The following UBA6 variants were observed in gnomAD, a reference collection of about 807,000 sequenced individuals.
UBA6 encodes ubiquitin-like modifier-activating enzyme 6.
Under a neutral mutation model 148.3 loss-of-function variants are expected in UBA6, and 87 were observed. The observed-to-expected ratio is 0.59, with a 90% CI of 0.49 to 0.70. The LOEUF is 0.70. Among genes scored for constraint, UBA6 ranks in the 30% least tolerant of loss-of-function variants. UBA6 has a pLI of 0.00. For missense variants in UBA6, 1,186 were observed against 1,241.2 expected, an observed-to-expected ratio of 0.96 and a Z score of 0.67; for synonymous variants, 376 against 401.0, an observed-to-expected ratio of 0.94 and a Z score of 0.75.
chr4:67,698,330 G>A (rs952290284), intron 1 of UBA6, among the ~76,000 whole-genome samples: 1 of 152,078 alleles, frequency 6.6e-6, no homozygotes, highest in Non-Finnish European at 1.5e-5. Flanking sequence ...AAAATGTATG[G>A]TCTGTTAAAA....
At chr4:67,668,219 T>A (rs17088555) in intron 9 of UBA6, among the ~76,000 whole-genome samples, 3,053 of 152,302 alleles carry the variant, frequency 0.02, 70 homozygotes, top group East Asian at 0.1. Flanking sequence ...CTGTCTTGCA[T>A]CTGCGCCTTT....
intron 27 of UBA6, 40 bp from the exon 28 acceptor site, chr4:67,626,517 TC>T (rs771176962): frequency 1.6e-6 from 2 of 1,262,592 alleles, no homozygotes; most frequent in South Asian, 1.3e-5. Context: ...TGTTATCATT[TC>T]CTGCATCTGT....
At chr4:67,690,160 T>C (rs1474009574) in intron 2 of UBA6, among the ~76,000 whole-genome samples, 3 of 152,064 alleles carry the variant, frequency 2.0e-5, no homozygotes, top group African/African-American at 7.2e-5. Flanking sequence ...ACCTATCTTA[T>C]CTTTGATAAA....
intron 2 of UBA6, among the ~76,000 whole-genome samples, chr4:67,682,601 A>G (rs1730469489): frequency 1.3e-5 from 2 of 152,100 alleles, no homozygotes; most frequent in African/African-American, 4.8e-5. Context: ...TATCAACAGG[A>G]TTTCTGAGGC....
chr4:67,671,940 C>T (rs945322058), intron 7 of UBA6, among the ~76,000 whole-genome samples: 1 of 152,090 alleles, frequency 6.6e-6, no homozygotes, highest in East Asian at 1.9e-4. Context: ...CTTTCCTTTA[C>T]AACTCACACT....
At chr4:67,645,348 C>T (rs987616911) in intron 16 of UBA6, among the ~76,000 whole-genome samples, 1 of 152,080 alleles carries the variant, frequency 6.6e-6, no homozygotes, top group Non-Finnish European at 1.5e-5. Flanking sequence ...CACCTGTAAT[C>T]CCAGCACTTT....
rs1253632960 is a variant in UBA6 at position 67,662,224 on chromosome 4, G to A, written c.1069C>T (p.Leu357=). The change falls in exon 13 of 33, where the codon CTA becomes TTA. Residue 357 remains leucine (L), a synonymous_variant. Coordinates refer to ENST00000322244, the MANE Select transcript of UBA6 (RefSeq NM_018227.6). The stretch of plus-strand genomic sequence containing the variant: ...AAGGTTTCACTTATAGATGTTGCTA[G>A]TTTCAACAGTTCTTCTGAATCTTGT... The part of the protein sequence containing the change: ...CQQDSEELLK[L]ATSISETLEE... 5 of 1,613,516 alleles carry A rather than the reference G, an allele frequency of 3.1e-6. No homozygotes were observed. The highest frequency in any genetic ancestry group is 3.3e-4 in the Middle Eastern group (2 of 6,054).
rs902572021 is a variant in UBA6, at chr4:67,617,002, A to G, written c.*1995T>C. The G allele has an allele frequency of 3.9e-5, 6 of 152,120 alleles. No individual in the cohort carries two copies. Among genetic ancestry groups the G allele is most frequent in the African/African-American group, 1.2e-4 (5 of 41,454 alleles). The allele number at this position is 152,120 out of a possible 1,614,324, so 9.4% of individuals were successfully genotyped here. ...GAACCAAACAGAAGAAATCATGGCA[A>G]TAACCATTAACTATAGAAAAAAAGT... On this transcript the variant is annotated 3_prime_UTR_variant, in exon 33 of 33. Coordinates refer to ENST00000322244, the MANE Select transcript of UBA6 (RefSeq NM_018227.6).
chr4:67,667,467 A>G (rs1317879652), intron 9 of UBA6, among the ~76,000 whole-genome samples: 1 of 152,198 alleles, frequency 6.6e-6, no homozygotes, highest in African/African-American at 2.4e-5. Context: ...AGTTATCTAT[A>G]AACAGTTTGT....
chr4:67,680,134 A>T (rs1180941042), intron 4 of UBA6, among the ~76,000 whole-genome samples: 1 of 152,198 alleles, frequency 6.6e-6, no homozygotes, highest in African/African-American at 2.4e-5. Context: ...CATTTTGTAA[A>T]TGTACAATCC....
At chr4:67,662,484 T>TG in intron 12 of UBA6, 1 of 406,712 alleles carries the variant, frequency 2.5e-6, no homozygotes, top group Non-Finnish European at 4.3e-6. Context: ...TTTTTTTTTT[T>TG]TTGAGACAGT....
chr4:67,671,803 G>A (rs182485563), intron 7 of UBA6, among the ~76,000 whole-genome samples: 5 of 152,178 alleles, frequency 3.3e-5, no homozygotes, highest in South Asian at 4.1e-4. Flanking sequence ...ACGAGATGAG[G>A]TTAGTAATGA....
chr4:67,662,407 T>A (rs1416407783), intron 12 of UBA6, 152 bp from the exon 13 acceptor site: 6 of 564,706 alleles, frequency 1.1e-5, no homozygotes, highest in Non-Finnish European at 1.9e-5. Flanking sequence ...TAAAGATGAT[T>A]GGCTTATAAA....
intron 12 of UBA6, 144 bp from the exon 13 acceptor site, chr4:67,662,399 A>C: frequency 1.7e-6 from 1 of 584,042 alleles, no homozygotes; most frequent in Non-Finnish European, 3.0e-6. Context: ...TACTGATTTA[A>C]AGATGATTGG....
intron 19 of UBA6, among the ~76,000 whole-genome samples, chr4:67,637,193 C>G (rs1262284411): frequency 1.3e-5 from 2 of 150,350 alleles, no homozygotes; most frequent in Non-Finnish European, 3.0e-5. Flanking sequence ...GCAGCCCCCA[C>G]CCGGCCAGCC....
chr4:67,625,433 T>G (rs1728845594), intron 28 of UBA6, among the ~76,000 whole-genome samples: 1 of 150,198 alleles, frequency 6.7e-6, no homozygotes, highest in Non-Finnish European at 1.5e-5. Context: ...GCCACTAAAC[T>G]AGAGACGTTT....
At chr4:67,649,967 GA>G (rs1239408910) in intron 13 of UBA6, among the ~76,000 whole-genome samples, 1 of 152,042 alleles carries the variant, frequency 6.6e-6, no homozygotes, top group African/African-American at 2.4e-5. Flanking sequence ...CAGAGGAGAG[GA>G]CAGAGAAGAG....
intron 26 of UBA6, among the ~76,000 whole-genome samples, chr4:67,630,113 C>T (rs564104303): frequency 1.1e-4 from 16 of 152,188 alleles, no homozygotes; most frequent in East Asian, 1.9e-4. Context: ...AAAATCTCTA[C>T]GCAGTATTTC....
At chr4:67,649,547 C>T (rs1030276125) in intron 13 of UBA6, among the ~76,000 whole-genome samples, 2 of 151,992 alleles carry the variant, frequency 1.3e-5, no homozygotes, top group Admixed American at 1.3e-4. Context: ...TACAAATAAA[C>T]AGATTTTTTT....
Sources: allele counts gnomAD v4.1 joint callset (sites outside exome capture counted in the v4.1 genomes callset), GRCh38; gene constraint gnomAD v4.1.1; transcripts MANE v1.5; gene names NCBI Gene and HGNC (gene_info 2026-07-23, HGNC 2026-07-21).